The following VOPP1 variants were observed in gnomAD, a reference collection of about 807,000 sequenced individuals.
The protein encoded by VOPP1 is WW domain binding protein VOPP1.
A neutral mutation model predicts 23.5 loss-of-function variants in VOPP1; 8 were observed. The ratio of observed to expected loss-of-function variants is 0.34; its 90% CI spans 0.20 to 0.61. The LOEUF (loss-of-function observed/expected upper bound fraction) is 0.61, where lower values mean the gene tolerates loss of function less well. VOPP1 is among the 20% of genes least tolerant of loss of function. The pLI is 0.78. For synonymous variants in VOPP1, 83 were observed against 97.3 expected (o/e 0.85, Z 0.86); for missense variants, 174 against 238.1 (o/e 0.73, Z 1.77).
intron 2 of VOPP1, among the ~76,000 whole-genome samples, chr7:55,514,615 G>A (rs1795286601): frequency 6.6e-6 from 1 of 152,214 alleles, no homozygotes; most frequent in Admixed American, 6.5e-5. Flanking sequence ...TCCCAGTCTA[G>A]GGAGGAGACA....
chr7:55,544,390 G>C (rs1382090899), intron 1 of VOPP1, among the ~76,000 whole-genome samples: 1 of 152,206 alleles, frequency 6.6e-6, no homozygotes, highest in Non-Finnish European at 1.5e-5. Flanking sequence ...GCTGGTGGGG[G>C]AAGGAGATGG....
At chr7:55,519,497 C>T (rs969788110) in intron 2 of VOPP1, among the ~76,000 whole-genome samples, 11 of 151,718 alleles carry the variant, frequency 7.3e-5, no homozygotes, top group East Asian at 3.9e-4. Flanking sequence ...TCCACATTTG[C>T]GCAAAAAGCT....
chr7:55,518,997 G>A (rs529493577), intron 2 of VOPP1, among the ~76,000 whole-genome samples: 27 of 152,356 alleles, frequency 1.8e-4, no homozygotes, highest in African/African-American at 6.3e-4. Context: ...ACCAGAGGCA[G>A]AACAGAGAAG....
At chr7:55,475,744 G>A (rs1417469820) in intron 4 of VOPP1, among the ~76,000 whole-genome samples, 1 of 152,242 alleles carries the variant, frequency 6.6e-6, no homozygotes, top group African/African-American at 2.4e-5. Flanking sequence ...TGGGGTTGCA[G>A]AAAGACTTTC....
rs536585099 is a variant in VOPP1 at position 55,521,022 on chromosome 7, G to A, written c.113+50C>T. The A allele has an allele frequency of 1.6e-4, 240 of 1,536,964 alleles. 3 individuals carry two copies. In the South Asian group the frequency reaches 2.6e-3, roughly 17 times the overall value. ...CAGAACTTTAGCAAGACAATTCCCAGAGAAAGGTATGGCCACAGAATGAAA... is the reference window on the plus strand; with the variant it reads ...CAGAACTTTAGCAAGACAATTCCCAAAGAAAGGTATGGCCACAGAATGAAA... On this transcript the variant is annotated intron_variant, in intron 2 of 4. Transcript: ENST00000285279.
chr7:55,554,120 C>A (rs1347907361), intron 1 of VOPP1, among the ~76,000 whole-genome samples: 1 of 152,222 alleles, frequency 6.6e-6, no homozygotes, highest in Non-Finnish European at 1.5e-5. Flanking sequence ...GAGAGGTATG[C>A]CAGTAAGAGT....
chr7:55,527,293 G>C (rs1014739444), intron 1 of VOPP1, among the ~76,000 whole-genome samples: 1 of 152,158 alleles, frequency 6.6e-6, no homozygotes, highest in Non-Finnish European at 1.5e-5. Flanking sequence ...AAGAAACCTT[G>C]ATTTTTTTAG....
At chr7:55,533,988 A>G (rs1222224388) in intron 1 of VOPP1, among the ~76,000 whole-genome samples, 2 of 152,194 alleles carry the variant, frequency 1.3e-5, no homozygotes, top group South Asian at 2.1e-4. Context: ...AATAAGCAAC[A>G]GCTTTTCCAC....
intron 4 of VOPP1, among the ~76,000 whole-genome samples, chr7:55,439,297 C>T (rs1790907181): frequency 6.6e-6 from 1 of 151,790 alleles, no homozygotes; most frequent in African/African-American, 2.4e-5. Context: ...CCCTGGAAGC[C>T]GTGTGTGGAG....
At chr7:55,507,509 C>T (rs1443116721) in intron 2 of VOPP1, among the ~76,000 whole-genome samples, 1 of 152,110 alleles carries the variant, frequency 6.6e-6, no homozygotes. Context: ...ACCCAAGATA[C>T]CACCACAATG....
intron 2 of VOPP1, among the ~76,000 whole-genome samples, chr7:55,517,330 A>T (rs1795524287): frequency 6.6e-6 from 1 of 151,924 alleles, no homozygotes; most frequent in African/African-American, 2.4e-5. Context: ...CCACTGCTGC[A>T]TGAGGCATAG....
At chr7:55,487,990 T>C (rs765640458) in intron 4 of VOPP1, among the ~76,000 whole-genome samples, 28 of 152,218 alleles carry the variant, frequency 1.8e-4, no homozygotes, top group Non-Finnish European at 3.1e-4. Flanking sequence ...TCCACCTGTG[T>C]GAACACAGTG....
intron 2 of VOPP1, among the ~76,000 whole-genome samples, chr7:55,504,892 A>G (rs941121681): frequency 6.6e-6 from 1 of 152,244 alleles, no homozygotes; most frequent in African/African-American, 2.4e-5. Context: ...ACTGTGACAC[A>G]GCCAAATCCT....
intron 1 of VOPP1, among the ~76,000 whole-genome samples, chr7:55,559,943 A>G (rs1797929906): frequency 1.3e-5 from 2 of 152,224 alleles, no homozygotes; most frequent in South Asian, 4.1e-4. Flanking sequence ...ACCTGAGGTC[A>G]GGAGTTCCAG....
Position 55,570,852 on chromosome 7 carries a change from G to GA in VOPP1, c.54+1418dup, listed in dbSNP as rs538586559. Among the ~76,000 whole-genome samples the GA allele has an allele frequency of 1.3e-3, 191 of 152,132 alleles. 2 individuals are homozygous for GA. The highest frequency in any genetic ancestry group is 4.6e-3 in the African/African-American group (191 of 41,482). On this transcript the variant is annotated intron_variant, in intron 1 of 4. Coordinates refer to ENST00000285279, the MANE Select transcript of VOPP1 (RefSeq NM_030796.5). ...CGCTACTGGGGAGGCTGAAGCAGGA[G>GA]AATAGCTTGAACCCAGGAGGCGGAG...
chr7:55,556,348 G>A (rs1169884564), intron 1 of VOPP1, among the ~76,000 whole-genome samples: 4 of 152,170 alleles, frequency 2.6e-5, no homozygotes, highest in African/African-American at 9.7e-5. Flanking sequence ...CCTCCAGTTC[G>A]CAAACCTGTT....
chr7:55,449,805 G>C (rs2129001341), intron 4 of VOPP1, among the ~76,000 whole-genome samples: 1 of 152,264 alleles, frequency 6.6e-6, no homozygotes, highest in East Asian at 1.9e-4. Context: ...TGCCTCGGTA[G>C]GTCCTGCCAC....
intron 1 of VOPP1, among the ~76,000 whole-genome samples, chr7:55,544,806 A>C (rs1360669021): frequency 6.6e-6 from 1 of 152,270 alleles, no homozygotes; most frequent in Non-Finnish European, 1.5e-5. Flanking sequence ...ACTCAAGGAA[A>C]ATAAAAAAAG....
intron 4 of VOPP1, among the ~76,000 whole-genome samples, chr7:55,482,192 A>C (rs1792764771): frequency 6.6e-6 from 1 of 152,166 alleles, no homozygotes. Context: ...GCAAAAAAAA[A>C]CTGATAAGCG....
Sources: gnomAD v4.1 joint callset for allele counts (sites outside exome capture counted in the v4.1 genomes callset) on GRCh38, gnomAD v4.1.1 for gene constraint, MANE v1.5 for transcripts, NCBI Gene and HGNC (gene_info 2026-07-23, HGNC 2026-07-21) for gene names.